Variants in DSCAM observed in about 807,000 individuals in gnomAD.
The protein encoded by DSCAM is cell adhesion molecule DSCAM.
Under a neutral mutation model 217.7 loss-of-function variants are expected in DSCAM, and 47 were observed. That is an observed-to-expected ratio of 0.22 (90% CI 0.17 to 0.28). DSCAM has a LOEUF of 0.28. DSCAM is among the 10% of genes least tolerant of loss of function. The pLI is 1.00. For missense variants in DSCAM, 2,080 were observed against 2,618.3 expected (o/e 0.79, Z 4.49); for synonymous variants, 1,056 against 1,015.3 (o/e 1.04, Z -0.76).
chr21:40,309,694 C>A lies in DSCAM; in HGVS notation c.2062+2387G>T, dbSNP rs138769954. Among the ~76,000 whole-genome samples the A allele has an allele frequency of 6.9e-3, 1,051 of 152,314 alleles. 9 individuals carry two copies. The highest frequency in any genetic ancestry group is 0.024 in the African/African-American group (992 of 41,572). ...GATTCCACTAAAGGTTCTTCTTTAT[C>A]TCATTTGCAACATTCACTCCATAAG... On this transcript the variant is annotated intron_variant, in intron 9 of 32. Coordinates refer to ENST00000400454, the MANE Select transcript of DSCAM (RefSeq NM_001389.5).
intron 1 of DSCAM, among the ~76,000 whole-genome samples, chr21:40,841,316 G>C (rs917099423): frequency 6.6e-6 from 1 of 152,128 alleles, no homozygotes; most frequent in Non-Finnish European, 1.5e-5. Flanking sequence ...AATTCAGAAC[G>C]ACATAGTGGA....
intron 1 of DSCAM, among the ~76,000 whole-genome samples, chr21:40,818,174 G>C (rs1018310038): frequency 1.3e-5 from 2 of 150,432 alleles, no homozygotes; most frequent in African/African-American, 4.9e-5. Context: ...TGTGGTAAAG[G>C]GACATCCGCC....
chr21:40,348,271 T>G (rs1348780124), intron 5 of DSCAM, among the ~76,000 whole-genome samples: 1 of 152,210 alleles, frequency 6.6e-6, no homozygotes, highest in African/African-American at 2.4e-5. Context: ...ATCAGCCACA[T>G]TATTGCAATC....
intron 10 of DSCAM, among the ~76,000 whole-genome samples, chr21:40,284,935 G>A (rs2073806633): frequency 6.6e-6 from 1 of 152,148 alleles, no homozygotes; most frequent in South Asian, 2.1e-4. Flanking sequence ...GACAACAATG[G>A]AAATTTCATG....
chr21:40,308,083 TAATAA>T (rs898199348), intron 9 of DSCAM, among the ~76,000 whole-genome samples: 12 of 151,742 alleles, frequency 7.9e-5, no homozygotes, highest in East Asian at 1.9e-4. Context: ...TAAAGAATAA[TAATAA>T]AATAAAATAA....
intron 18 of DSCAM, 119 bp from the exon 19 acceptor site, chr21:40,134,128 G>T: frequency 7.6e-7 from 1 of 1,309,648 alleles, no homozygotes; most frequent in East Asian, 2.6e-5. Context: ...CCATCATCTG[G>T]ACACGAGAAT....
At chr21:40,067,774 C>T (rs2089233293) in intron 27 of DSCAM, among the ~76,000 whole-genome samples, 1 of 105,872 alleles carries the variant, frequency 9.4e-6, no homozygotes, top group Admixed American at 1.2e-4. Context: ...CCCTCCCTCC[C>T]TTCCTTCCTT....
chr21:40,643,866 C>T (rs900829839), intron 3 of DSCAM, among the ~76,000 whole-genome samples: 3 of 152,234 alleles, frequency 2.0e-5, no homozygotes, highest in African/African-American at 7.2e-5. Context: ...CTTGGACTTC[C>T]AGCCTCCAGA....
At chr21:40,522,245 G>A (rs1460707690) in intron 3 of DSCAM, among the ~76,000 whole-genome samples, 3 of 152,162 alleles carry the variant, frequency 2.0e-5, no homozygotes, top group Non-Finnish European at 1.5e-5. Context: ...CAGAGTAAAT[G>A]GTGTTGTTCT....
At chr21:40,606,497 A>C (rs1406154072) in intron 3 of DSCAM, among the ~76,000 whole-genome samples, 1 of 152,230 alleles carries the variant, frequency 6.6e-6, no homozygotes, top group Non-Finnish European at 1.5e-5. Flanking sequence ...ATATTTGTCA[A>C]GTACAAATCC....
chr21:40,635,221 A>C (rs2089741692), intron 3 of DSCAM, among the ~76,000 whole-genome samples: 1 of 152,152 alleles, frequency 6.6e-6, no homozygotes. Flanking sequence ...AAAATAAAGA[A>C]GAGAAAGCGA....
intron 3 of DSCAM, among the ~76,000 whole-genome samples, chr21:40,637,865 G>T: frequency 6.6e-6 from 1 of 150,638 alleles, no homozygotes; most frequent in South Asian, 2.1e-4. Flanking sequence ...AAAAAACCCC[G>T]TAGAGATGGG....
At chr21:40,162,669 ATC>A (rs2090551909) in intron 16 of DSCAM, among the ~76,000 whole-genome samples, 1 of 152,104 alleles carries the variant, frequency 6.6e-6, no homozygotes, top group Non-Finnish European at 1.5e-5. Flanking sequence ...ATTTAATTAA[ATC>A]TCTGAATATT....
intron 3 of DSCAM, among the ~76,000 whole-genome samples, chr21:40,437,203 C>T (rs2075590894): frequency 6.6e-6 from 1 of 152,098 alleles, no homozygotes; most frequent in South Asian, 2.1e-4. Context: ...GGGGTGTAGA[C>T]AGGCTCTGTG....
chr21:40,695,108 G>A (rs1004670201), intron 2 of DSCAM, among the ~76,000 whole-genome samples: 1 of 152,062 alleles, frequency 6.6e-6, no homozygotes, highest in African/African-American at 2.4e-5. Context: ...CAAACCTTCC[G>A]CAGACTCTGC....
intron 19 of DSCAM, among the ~76,000 whole-genome samples, chr21:40,125,726 T>A (rs2090086200): frequency 6.6e-6 from 1 of 152,174 alleles, no homozygotes; most frequent in Non-Finnish European, 1.5e-5. Flanking sequence ...AAATGATAGA[T>A]CCTGGGTTAA....
In DSCAM at chr21:40,071,838, A is replaced by T. The variant is rs139474249; in HGVS notation, c.4888+3199T>A. Among the ~76,000 whole-genome samples the T allele has an allele frequency of 9.1e-3, 1,379 of 152,362 alleles. 9 individuals are homozygous for T. Among genetic ancestry groups the T allele is most frequent in the Non-Finnish European group, 0.015 (1,014 of 68,040 alleles). ...AATGCACTCCGGATATTTAATAGAC[A>T]GGCACCTATTCCTTTAAACTCTGCA... On this transcript the variant is annotated intron_variant, in intron 27 of 32. Coordinates refer to ENST00000400454, the MANE Select transcript of DSCAM (RefSeq NM_001389.5).
intron 3 of DSCAM, among the ~76,000 whole-genome samples, chr21:40,398,216 A>G (rs1365835507): frequency 6.6e-6 from 1 of 152,200 alleles, no homozygotes; most frequent in African/African-American, 2.4e-5. Flanking sequence ...TGATTCAGAC[A>G]TTTTAAGAAG....
chr21:40,693,655 G>A (rs886326721), intron 2 of DSCAM, among the ~76,000 whole-genome samples: 7 of 152,120 alleles, frequency 4.6e-5, no homozygotes, highest in Non-Finnish European at 8.8e-5. Context: ...GAAGCCTTGA[G>A]AACTCTGAGA....
Sources: allele counts gnomAD v4.1 joint callset (sites outside exome capture counted in the v4.1 genomes callset), GRCh38; gene constraint gnomAD v4.1.1; transcripts MANE v1.5; gene names NCBI Gene and HGNC (gene_info 2026-07-23, HGNC 2026-07-21).